The following GLT1D1 variants were observed in gnomAD, a reference collection of about 807,000 sequenced individuals.
The protein encoded by GLT1D1 is glycosyltransferase 1 domain-containing protein 1.
A neutral mutation model predicts 28.7 loss-of-function variants in GLT1D1; 21 were observed. The observed-to-expected ratio is 0.73, with a 90% CI of 0.52 to 1.05. The LOEUF is 1.05. Among genes scored for constraint, GLT1D1 ranks in the 50% least tolerant of loss-of-function variants. GLT1D1 has a pLI of 0.00. For synonymous variants in GLT1D1, 147 were observed against 124.8 expected (o/e 1.18, Z -1.19); for missense variants, 343 against 330.6 (o/e 1.04, Z -0.29).
In GLT1D1 at chr12:128,940,546, C is replaced by T. The variant is rs77171078; in HGVS notation, c.376-4780C>T. The stretch of plus-strand genomic sequence containing the variant: ...GTCTGGTGCTGCCTCTTTCTGGCCT[C>T]CACACATCCACTACGAGTTTGCTTA... On this transcript the variant is annotated intron_variant, in intron 4 of 7. Transcript: ENST00000281703. Among the ~76,000 whole-genome samples the T allele has an allele frequency of 2.2e-3, 336 of 152,282 alleles. 1 individual carries two copies. Among genetic ancestry groups the T allele is most frequent in the African/African-American group, 7.5e-3 (310 of 41,550 alleles).
In GLT1D1 at chr12:128,865,551, G is replaced by A. The variant is rs113238625; in HGVS notation, c.69-10363G>A. 5.5e-3 allele frequency among the ~76,000 whole-genome samples: 839 copies of A among 152,226 alleles called. 8 individuals carry two copies. The highest frequency in any genetic ancestry group is 0.019 in the African/African-American group (786 of 41,562). ...ATAAAAAACAACACAGGCCGGGCCC[G>A]GTGGCTCACGCCTGTAATCCCAGCA... On this transcript the variant is annotated intron_variant, in intron 1 of 7. Coordinates refer to ENST00000281703, the MANE Select transcript of GLT1D1 (RefSeq NM_144669.3).
chr12:128,853,601 C>T lies in GLT1D1; in HGVS notation c.20C>T (p.Ala7Val). The change falls in exon 1 of 8, where the codon GCG (alanine) becomes GTG (valine). Residue 7 changes from alanine (A) to valine (V), a missense_variant. By Grantham distance (64) the Ala-to-Val change is moderately conservative (BLOSUM62 0). Transcript: ENST00000281703. ...GGCGGCATGCGGCTCCTGTTCCTGG[C>T]GGTGCTGCGGCCACACACCGGCAAC... is the stretch of plus-strand genomic sequence containing the variant. 1 of 1,169,562 alleles carries T rather than the reference C, an allele frequency of 8.6e-7. No individual in the cohort carries two copies. Among genetic ancestry groups the T allele is most frequent in the South Asian group, 2.4e-5 (1 of 41,906 alleles). The allele number at this position is 1,169,562 out of a possible 1,614,324, so 72.4% of individuals were successfully genotyped here.
intron 1 of GLT1D1, among the ~76,000 whole-genome samples, chr12:128,871,229 C>A (rs537661985): frequency 6.6e-6 from 1 of 152,278 alleles, no homozygotes; most frequent in African/African-American, 2.4e-5. Context: ...TGGTCAGAAG[C>A]ATGTTGAATC....
In GLT1D1 at chr12:128,915,553, C is replaced by T. The variant is rs184689014; in HGVS notation, c.375+16266C>T. 2.6e-3 allele frequency among the ~76,000 whole-genome samples: 399 copies of T among 151,936 alleles called. 1 individual carries two copies. Among genetic ancestry groups the T allele is most frequent in the African/African-American group, 9.2e-3 (379 of 41,414 alleles). On this transcript the variant is annotated intron_variant, in intron 4 of 7. Coordinates refer to ENST00000281703, the MANE Select transcript of GLT1D1 (RefSeq NM_144669.3). ...CTAATTTTTGTATTTTTAATGGAGA[C>T]GGGGTTTTGCCGTATTGGCCAGGCT...
intron 7 of GLT1D1, among the ~76,000 whole-genome samples, chr12:128,967,821 C>T (rs942245175): frequency 6.6e-6 from 1 of 152,196 alleles, no homozygotes. Flanking sequence ...GGAAGTTCAA[C>T]GCATCCAGGA....
chr12:128,908,298 C>T (rs1034797793), intron 4 of GLT1D1, among the ~76,000 whole-genome samples: 1 of 151,240 alleles, frequency 6.6e-6, no homozygotes, highest in Admixed American at 6.6e-5. Flanking sequence ...TTTCTCATCT[C>T]ACCCACGTAT....
intron 1 of GLT1D1, among the ~76,000 whole-genome samples, chr12:128,874,977 T>G (rs979393326): frequency 6.6e-6 from 1 of 152,038 alleles, no homozygotes; most frequent in Non-Finnish European, 1.5e-5. Flanking sequence ...GTTTATGAGG[T>G]ATTTTATATT....
chr12:128,873,377 C>T (rs1049057270), intron 1 of GLT1D1, among the ~76,000 whole-genome samples: 3 of 152,146 alleles, frequency 2.0e-5, no homozygotes, highest in African/African-American at 7.2e-5. Context: ...CTTTTGATGG[C>T]AAAAGAACAT....
At chr12:128,937,722 T>C (rs1394123779) in intron 4 of GLT1D1, among the ~76,000 whole-genome samples, 2 of 152,144 alleles carry the variant, frequency 1.3e-5, no homozygotes, top group Non-Finnish European at 2.9e-5. Flanking sequence ...CGCTGGTTTT[T>C]GTGATAGTAA....
At chr12:128,971,134 C>G (rs1879003681) in intron 7 of GLT1D1, among the ~76,000 whole-genome samples, 1 of 152,198 alleles carries the variant, frequency 6.6e-6, no homozygotes, top group Non-Finnish European at 1.5e-5. Flanking sequence ...GATTTTGTCC[C>G]CATGCCTAGC....
At chr12:128,902,048 A>T (rs2135859480) in intron 4 of GLT1D1, among the ~76,000 whole-genome samples, 1 of 151,920 alleles carries the variant, frequency 6.6e-6, no homozygotes, top group Middle Eastern at 3.4e-3. Flanking sequence ...TTGTATAATG[A>T]AACGTTTAAA....
chr12:128,853,735 C>T, intron 1 of GLT1D1, 86 bp downstream of exon 1: 1 of 872,848 alleles, frequency 1.1e-6, no homozygotes, highest in African/African-American at 1.8e-5. Context: ...GGGCGCTCAG[C>T]CAGGCCCCCT....
intron 1 of GLT1D1, among the ~76,000 whole-genome samples, chr12:128,872,361 C>T (rs952465964): frequency 1.8e-4 from 27 of 152,286 alleles, no homozygotes; most frequent in African/African-American, 5.8e-4. Context: ...GGGGTTATAA[C>T]AGAGATAGGC....
intron 7 of GLT1D1, among the ~76,000 whole-genome samples, chr12:128,975,190 G>T (rs1048328238): frequency 1.3e-5 from 2 of 152,114 alleles, no homozygotes; most frequent in African/African-American, 4.8e-5. Context: ...CTGGCTCAGC[G>T]TGCTTACACA....
chr12:128,917,854 A>G (rs1343195054), intron 4 of GLT1D1, among the ~76,000 whole-genome samples: 2 of 152,196 alleles, frequency 1.3e-5, no homozygotes, highest in Non-Finnish European at 2.9e-5. Context: ...AGAAATAAGA[A>G]CGCTTTTACC....
In GLT1D1 at chr12:128,906,038, C is replaced by T. The variant is rs140952738; in HGVS notation, c.375+6751C>T. On this transcript the variant is annotated intron_variant, in intron 4 of 7. Coordinates refer to ENST00000281703, the MANE Select transcript of GLT1D1 (RefSeq NM_144669.3). ...TTTTTTTTGTGGAGATAAGGTCTCA[C>T]TGCGTTGCCCAGGCTACTCTTGAAC... 9.2e-3 allele frequency among the ~76,000 whole-genome samples: 1,398 copies of T among 151,758 alleles called. 65 individuals are homozygous for T. Among genetic ancestry groups the T allele is most frequent in the Admixed American group, 0.084 (1,279 of 15,224 alleles).
chr12:128,899,230 T>C lies in GLT1D1; in HGVS notation c.324-6T>C, dbSNP rs781071478. ...ATTGTTTCTATTATTTTTGTTCATT[T>C]ACTAGATTTGCTGTCGCTTTCACAG... is the stretch of plus-strand genomic sequence containing the variant. On this transcript the variant is annotated splice_region_variant and splice_polypyrimidine_tract_variant and intron_variant, in intron 3 of 7. Transcript: ENST00000281703. 1.2e-6 allele frequency: 2 copies of C among 1,609,084 alleles called. No individual in the cohort carries two copies. The highest frequency in any genetic ancestry group is 2.2e-5 in the South Asian group (2 of 90,992).
intron 4 of GLT1D1, among the ~76,000 whole-genome samples, chr12:128,939,399 TAA>T (rs772160842): frequency 2.2e-4 from 26 of 116,492 alleles, no homozygotes; most frequent in Admixed American, 2.6e-4. Context: ...CTGTCTCTAC[TAA>T]AAAAAAAAAA....
At chr12:128,900,180 G>A (rs78373729) in intron 4 of GLT1D1, among the ~76,000 whole-genome samples, 5,793 of 152,296 alleles carry the variant, frequency 0.038, 400 homozygotes, top group African/African-American at 0.13. Flanking sequence ...TTTCCCTTTG[G>A]TGAGTGAGGC....
Sources: allele counts gnomAD v4.1 joint callset (sites outside exome capture counted in the v4.1 genomes callset), GRCh38; gene constraint gnomAD v4.1.1; transcripts MANE v1.5; gene names NCBI Gene and HGNC (gene_info 2026-07-23, HGNC 2026-07-21).